The following SLC4A4 variants were observed in gnomAD, a reference collection of about 807,000 sequenced individuals.
SLC4A4 encodes electrogenic sodium bicarbonate cotransporter 1.
Under a neutral mutation model 111.5 loss-of-function variants are expected in SLC4A4, and 27 were observed. The observed-to-expected ratio is 0.24, with a 90% CI of 0.18 to 0.33. The LOEUF (loss-of-function observed/expected upper bound fraction) is 0.33. Ranked by LOEUF, SLC4A4 falls within the 10% of genes least tolerant of loss-of-function variation. The pLI, the probability that SLC4A4 is intolerant of heterozygous loss-of-function variation, is 1.00. For synonymous variants in SLC4A4, 443 were observed against 463.4 expected (o/e 0.96, Z 0.57); for missense variants, 909 against 1,315.5 (o/e 0.69, Z 4.78).
intron 2 of SLC4A4, among the ~76,000 whole-genome samples, chr4:71,129,658 A>G (rs920258617): frequency 1.3e-5 from 2 of 152,114 alleles, no homozygotes; most frequent in African/African-American, 4.8e-5. Flanking sequence ...ATAAAGACAC[A>G]CATCACATGT....
In SLC4A4 at chr4:71,560,171, A is replaced by T; in HGVS notation, c.3016A>T (p.Ile1006Phe). 1 of 1,611,244 alleles carries T rather than the reference A, an allele frequency of 6.2e-7. No homozygotes were observed. Among genetic ancestry groups the T allele is most frequent in the Non-Finnish European group, 8.5e-7 (1 of 1,178,004 alleles). Residue 1006 changes from isoleucine to phenylalanine, a missense_variant, in exon 23 of 26, where the codon ATT becomes TTT. Coordinates refer to ENST00000264485, the MANE Select transcript of SLC4A4 (RefSeq NM_001098484.3). ...QHDLSFLDDV[I>F]PEKDKKKKED... ...CGACCTCAGCTTCCTGGATGATGTC[A>T]TTCCAGAAAAGGACAAGAAAAAGAA...
chr4:71,223,401 G>T (rs1363889327), intron 1 of SLC4A4, among the ~76,000 whole-genome samples: 2 of 151,882 alleles, frequency 1.3e-5, no homozygotes, highest in African/African-American at 4.8e-5. Context: ...CTGACCTCGT[G>T]ATCTGCCTGC....
chr4:71,344,711 T>G (rs1176895289), intron 4 of SLC4A4, among the ~76,000 whole-genome samples: 1 of 152,178 alleles, frequency 6.6e-6, no homozygotes, highest in Non-Finnish European at 1.5e-5. Flanking sequence ...TACTTTTCAG[T>G]TGGCTAATGA....
At chr4:71,507,251 C>G (rs1434233976) in intron 16 of SLC4A4, among the ~76,000 whole-genome samples, 1 of 152,182 alleles carries the variant, frequency 6.6e-6, no homozygotes, top group African/African-American at 2.4e-5. Context: ...ACAATTCTAA[C>G]TTTACATGTA....
At chr4:71,347,613 A>G (rs1019888270) in intron 4 of SLC4A4, among the ~76,000 whole-genome samples, 41 of 152,170 alleles carry the variant, frequency 2.7e-4, no homozygotes, top group African/African-American at 9.4e-4. Context: ...GGATTTCAAT[A>G]TATGAATTTT....
intron 2 of SLC4A4, among the ~76,000 whole-genome samples, chr4:71,157,979 T>A (rs755309970): frequency 6.6e-5 from 10 of 152,066 alleles, no homozygotes; most frequent in Admixed American, 4.6e-4. Flanking sequence ...ATGAATTTCA[T>A]GAGATATTCC....
At chr4:71,452,445 T>C (rs1229346861) in intron 11 of SLC4A4, among the ~76,000 whole-genome samples, 1 of 152,204 alleles carries the variant, frequency 6.6e-6, no homozygotes, top group Non-Finnish European at 1.5e-5. Flanking sequence ...GTATGCCTGG[T>C]ACCATGCATA....
intron 1 of SLC4A4, among the ~76,000 whole-genome samples, chr4:71,201,059 G>C (rs999885927): frequency 6.6e-6 from 1 of 152,174 alleles, no homozygotes; most frequent in Non-Finnish European, 1.5e-5. Context: ...GCCCAGGCTT[G>C]AATCCTGTCT....
At chr4:71,146,558 T>G (rs1436669063) in intron 2 of SLC4A4, among the ~76,000 whole-genome samples, 8 of 152,156 alleles carry the variant, frequency 5.3e-5, no homozygotes, top group African/African-American at 1.9e-4. Context: ...TGTTAAAGTC[T>G]CCCATTATTA....
intron 2 of SLC4A4, among the ~76,000 whole-genome samples, chr4:71,158,399 C>T (rs1377909249): frequency 2.6e-5 from 4 of 152,112 alleles, no homozygotes; most frequent in African/African-American, 9.7e-5. Context: ...CTAATCAACA[C>T]CACTGATCCT....
chr4:71,162,795 G>A (rs558410726), intron 2 of SLC4A4, among the ~76,000 whole-genome samples: 35 of 152,234 alleles, frequency 2.3e-4, no homozygotes, highest in Admixed American at 9.2e-4. Flanking sequence ...CTTTTATTAC[G>A]TAAGGTTAGA....
At chr4:71,313,776 G>T (rs1221793037) in intron 3 of SLC4A4, among the ~76,000 whole-genome samples, 9 of 152,244 alleles carry the variant, frequency 5.9e-5, no homozygotes, top group African/African-American at 2.2e-4. Flanking sequence ...AACTCAGATG[G>T]ATTAAAGACT....
rs111608381 is a variant in SLC4A4, at chr4:71,408,195, A to G, written c.807+10542A>G. On this transcript the variant is annotated intron_variant, in intron 7 of 25. Transcript: ENST00000264485. ...TCAGCACATAACATTGAGTATTTTA[A>G]TCACTGTGGCAGGAGAAACATCCAT... 9.6e-3 allele frequency among the ~76,000 whole-genome samples: 1,466 copies of G among 152,274 alleles called. 27 individuals are homozygous for G. The highest frequency in any genetic ancestry group is 0.034 in the African/African-American group (1,410 of 41,544).
chr4:71,136,232 AAAC>A (rs1743839048), intron 2 of SLC4A4, among the ~76,000 whole-genome samples: 2 of 152,198 alleles, frequency 1.3e-5, no homozygotes, highest in Non-Finnish European at 2.9e-5. Context: ...ACTCAATACT[AAAC>A]AACATGTCAT....
At chr4:71,504,118 A>G (rs1029763273) in intron 16 of SLC4A4, among the ~76,000 whole-genome samples, 1 of 152,180 alleles carries the variant, frequency 6.6e-6, no homozygotes, top group African/African-American at 2.4e-5. Context: ...CAGTTTGAGT[A>G]TTAATATGCC....
At chr4:71,273,758 G>A (rs1722874948) in intron 3 of SLC4A4, among the ~76,000 whole-genome samples, 1 of 151,496 alleles carries the variant, frequency 6.6e-6, no homozygotes, top group Non-Finnish European at 1.5e-5. Context: ...GTAGCTCTGA[G>A]AAGCATATGT....
chr4:71,379,904 T>A (rs1717942668), intron 6 of SLC4A4, among the ~76,000 whole-genome samples: 1 of 152,092 alleles, frequency 6.6e-6, no homozygotes, highest in Non-Finnish European at 1.5e-5. Context: ...TTGCATAGAT[T>A]GGGGCTTTTT....
At chr4:71,123,849 G>A (rs1209441414) in intron 2 of SLC4A4, among the ~76,000 whole-genome samples, 1 of 152,140 alleles carries the variant, frequency 6.6e-6, no homozygotes, top group Non-Finnish European at 1.5e-5. Flanking sequence ...TTTAACTGAT[G>A]TTTAAAAATT....
At chr4:71,413,056 T>G (rs1469262450) in intron 7 of SLC4A4, among the ~76,000 whole-genome samples, 1 of 152,174 alleles carries the variant, frequency 6.6e-6, no homozygotes, top group Non-Finnish European at 1.5e-5. Context: ...ACCAAACTTC[T>G]GTATAGTTGT....
Sources: gnomAD v4.1 joint callset for allele counts (sites outside exome capture counted in the v4.1 genomes callset) on GRCh38, gnomAD v4.1.1 for gene constraint, MANE v1.5 for transcripts, NCBI Gene and HGNC (gene_info 2026-07-23, HGNC 2026-07-21) for gene names.